Variants in TCERG1L observed in about 807,000 individuals in gnomAD.
TCERG1L encodes the protein transcription elongation regulator 1 like, also known as transcription elongation regulator 1-like protein.
In TCERG1L, 37 loss-of-function variants were observed where a neutral mutation model predicts 56.3. The observed-to-expected ratio is 0.66, with a 90% CI of 0.51 to 0.87. The LOEUF is 0.87. Ranked by LOEUF, TCERG1L falls within the 40% of genes least tolerant of loss-of-function variation. The probability of loss-of-function intolerance (pLI) is 0.00; values close to 1 mark genes in which losing one functional copy is unlikely to be tolerated. For synonymous variants in TCERG1L, 324 were observed against 326.3 expected, an observed-to-expected ratio of 0.99 and a Z score of 0.08; for missense variants, 799 against 774.2, an observed-to-expected ratio of 1.03 and a Z score of -0.38.
intron 4 of TCERG1L, among the ~76,000 whole-genome samples, chr10:131,206,875 G>A (rs1208745407): frequency 1.3e-5 from 2 of 152,136 alleles, no homozygotes; most frequent in Non-Finnish European, 2.9e-5. Context: ...CCAAGCGAGT[G>A]GTGCGGGAGG....
At chr10:131,290,783 C>A (rs1846607986) in intron 3 of TCERG1L, among the ~76,000 whole-genome samples, 1 of 59,244 alleles carries the variant, frequency 1.7e-5, no homozygotes, top group African/African-American at 4.4e-5. Context: ...TAAACACTTA[C>A]CACATTGGAG....
At chr10:131,222,245 C>G (rs1845741717) in intron 4 of TCERG1L, among the ~76,000 whole-genome samples, 1 of 152,258 alleles carries the variant, frequency 6.6e-6, no homozygotes, top group Non-Finnish European at 1.5e-5. Flanking sequence ...GGTGCATACT[C>G]AGGCATCCTG....
At chr10:131,306,977 T>A (rs189665549) in intron 3 of TCERG1L, among the ~76,000 whole-genome samples, 252 of 152,210 alleles carry the variant, frequency 1.7e-3, no homozygotes, top group Middle Eastern at 3.4e-3. Context: ...GATTTCACCA[T>A]TTTTTAAACT....
intron 4 of TCERG1L, among the ~76,000 whole-genome samples, chr10:131,198,874 C>G (rs1845396098): frequency 6.6e-6 from 1 of 152,262 alleles, no homozygotes; most frequent in African/African-American, 2.4e-5. Flanking sequence ...CGTGCACCTG[C>G]AGAGGCAGCG....
intron 2 of TCERG1L, 149 bp from the exon 3 acceptor site, chr10:131,308,540 T>TA (rs1282854570): frequency 2.9e-6 from 2 of 693,430 alleles, no homozygotes; most frequent in East Asian, 5.5e-5. Context: ...TTCTAAAACT[T>TA]AAAGAAGTTC....
chr10:131,160,765 A>T (rs1845968734), intron 6 of TCERG1L: 1 of 152,146 alleles, frequency 6.6e-6, no homozygotes, highest in Non-Finnish European at 1.5e-5. Context: ...ACGCCGAGGG[A>T]GGGGAGTGCA....
At position 131,260,416 on chromosome 10, in the gene TCERG1L, G is replaced by A. The variant is rs143301292; in HGVS notation, c.699C>T (p.Thr233=). 7.5e-6 allele frequency: 11 copies of A among 1,460,594 alleles called. No individual in the cohort carries two copies. Among genetic ancestry groups the A allele is most frequent in the African/African-American group, 1.5e-5 (1 of 67,080 alleles). The allele number at this position is 1,460,594 out of a possible 1,614,324, so 90.5% of individuals were successfully genotyped here. A position where few individuals can be genotyped will look rare whatever the true frequency, so the allele number is the denominator to read the frequency against. ...TGGCGATGGCAATGGCGGGGCTGCT[G>A]GTCACCTTAAGGCTGTTATGGCAGC... ...PGGCHNSLKV[T]SSPAIAIATA... is the part of the protein sequence containing the mutation. The change falls in exon 4 of 12, where the codon ACC becomes ACT. Residue 233 remains threonine (T), a synonymous_variant. Transcript: ENST00000368642. The surrounding 1 kb of genome is among the most constrained non-coding windows in gnomAD (Gnocchi z 5.8).
At chr10:131,094,696 C>A (rs1845222498) in intron 11 of TCERG1L, among the ~76,000 whole-genome samples, 1 of 152,056 alleles carries the variant, frequency 6.6e-6, no homozygotes, top group Admixed American at 6.5e-5. Context: ...CTCCCTCCCT[C>A]CTTTTCTCCC....
intron 4 of TCERG1L, among the ~76,000 whole-genome samples, chr10:131,220,858 G>A (rs1424610113): frequency 6.6e-6 from 1 of 152,228 alleles, no homozygotes; most frequent in East Asian, 1.9e-4. Context: ...GCCAACCACT[G>A]TGCCCAGTCC....
intron 6 of TCERG1L, among the ~76,000 whole-genome samples, chr10:131,147,127 C>CCTCCGGCAGCAGCAG (rs1845804286): frequency 6.6e-6 from 1 of 152,146 alleles, no homozygotes; most frequent in Non-Finnish European, 1.5e-5. Context: ...AGGTCATTAC[C>CCTCCGGCAGCAGCAG]CTCCGGCAGC....
chr10:131,198,287 C>T (rs1276420929), intron 4 of TCERG1L, among the ~76,000 whole-genome samples: 1 of 152,252 alleles, frequency 6.6e-6, no homozygotes, highest in Non-Finnish European at 1.5e-5. Flanking sequence ...AGAAATTACA[C>T]ATCCAACTTG....
At chr10:131,251,920 G>T (rs904511838) in intron 4 of TCERG1L, among the ~76,000 whole-genome samples, 2 of 152,096 alleles carry the variant, frequency 1.3e-5, no homozygotes, top group Non-Finnish European at 2.9e-5. Context: ...AACTGTCCTG[G>T]TTCAACAATG....
chr10:131,200,859 G>A (rs925273929), intron 4 of TCERG1L, among the ~76,000 whole-genome samples: 2 of 151,186 alleles, frequency 1.3e-5, no homozygotes, highest in African/African-American at 4.8e-5. Flanking sequence ...GGGGCCTTTA[G>A]GAGTCGCTTA....
At chr10:131,114,220 C>T (rs899647816) in intron 9 of TCERG1L, among the ~76,000 whole-genome samples, 1 of 142,284 alleles carries the variant, frequency 7.0e-6, no homozygotes, top group South Asian at 2.6e-4. Context: ...TCTTATTAAT[C>T]ACTCAGTCCA....
intron 3 of TCERG1L, among the ~76,000 whole-genome samples, chr10:131,304,078 G>A (rs933824989): frequency 1.3e-5 from 2 of 151,924 alleles, no homozygotes; most frequent in Admixed American, 1.3e-4. Context: ...TACAGCCAGT[G>A]GTTTGTTGTG....
intron 3 of TCERG1L, among the ~76,000 whole-genome samples, chr10:131,280,183 C>G (rs1463773947): frequency 6.7e-6 from 1 of 149,308 alleles, no homozygotes; most frequent in African/African-American, 2.5e-5. Context: ...GCTTCCAGGT[C>G]ATGGTAGATA....
chr10:131,134,705 C>T (rs1845655423), intron 7 of TCERG1L, among the ~76,000 whole-genome samples: 1 of 152,154 alleles, frequency 6.6e-6, no homozygotes, highest in Non-Finnish European at 1.5e-5. Context: ...CTGGGCCTTC[C>T]AGAGGGGCTG....
At chr10:131,193,130 T>C (rs1845321102) in intron 4 of TCERG1L, among the ~76,000 whole-genome samples, 1 of 152,234 alleles carries the variant, frequency 6.6e-6, no homozygotes, top group Admixed American at 6.5e-5. Context: ...ATTTGTCATA[T>C]GTCTGTTGGT....
At chr10:131,290,684 CTTT>C (rs1161592272) in intron 3 of TCERG1L, among the ~76,000 whole-genome samples, 1 of 147,490 alleles carries the variant, frequency 6.8e-6, no homozygotes, top group Non-Finnish European at 1.5e-5. Context: ...ACAGCATTTT[CTTT>C]TGTCACTGTA....
Sources: allele counts gnomAD v4.1 joint callset (sites outside exome capture counted in the v4.1 genomes callset), GRCh38; gene constraint gnomAD v4.1.1; non-coding constraint Gnocchi (gnomAD v3.1); transcripts MANE v1.5; gene names NCBI Gene and HGNC (gene_info 2026-07-23, HGNC 2026-07-21).